GUCY1A2: variants seen among roughly 807,000 people sequenced by gnomAD.
GUCY1A2 encodes guanylate cyclase 1 soluble subunit alpha 2, also known as guanylate cyclase soluble subunit alpha-2.
A neutral mutation model predicts 63.5 loss-of-function variants in GUCY1A2; 27 were observed. The ratio of observed to expected loss-of-function variants is 0.43; its 90% CI spans 0.31 to 0.59. The LOEUF (loss-of-function observed/expected upper bound fraction) is 0.59. Ranked by LOEUF, GUCY1A2 falls within the 20% of genes least tolerant of loss-of-function variation. The probability of loss-of-function intolerance (pLI) is 0.11; values close to 1 mark genes in which losing one functional copy is unlikely to be tolerated. For missense variants in GUCY1A2, 768 were observed against 913.3 expected, an observed-to-expected ratio of 0.84 and a Z score of 2.05; for synonymous variants, 364 against 343.5, an observed-to-expected ratio of 1.06 and a Z score of -0.66.
At chr11:106,891,615 C>A (rs1004887307) in intron 4 of GUCY1A2, among the ~76,000 whole-genome samples, 6 of 151,988 alleles carry the variant, frequency 3.9e-5, no homozygotes, top group African/African-American at 9.7e-5. Flanking sequence ...GAGATAGGTT[C>A]AAGTTTGTTT....
At chr11:106,704,543 G>C (rs1268860125) in intron 7 of GUCY1A2, among the ~76,000 whole-genome samples, 1 of 152,120 alleles carries the variant, frequency 6.6e-6, no homozygotes, top group East Asian at 1.9e-4. Context: ...GAAGAAGCTT[G>C]GTTTTAACAG....
chr11:106,839,574 G>C (rs1276391987), intron 4 of GUCY1A2, among the ~76,000 whole-genome samples: 1 of 151,844 alleles, frequency 6.6e-6, no homozygotes, highest in Non-Finnish European at 1.5e-5. Flanking sequence ...GTTTATTGCG[G>C]CACTACTCAC....
chr11:106,989,849 C>T (rs897828699), intron 1 of GUCY1A2, among the ~76,000 whole-genome samples: 1 of 152,116 alleles, frequency 6.6e-6, no homozygotes, highest in Non-Finnish European at 1.5e-5. Flanking sequence ...GCCAGGCCTG[C>T]CAGTGAGTAG....
intron 6 of GUCY1A2, among the ~76,000 whole-genome samples, chr11:106,765,979 G>A (rs1343172062): frequency 1.3e-5 from 2 of 152,128 alleles, no homozygotes; most frequent in African/African-American, 2.4e-5. Context: ...GACAATTTCT[G>A]ATGCAGTAGG....
chr11:106,859,107 C>T (rs1271464474), intron 4 of GUCY1A2, among the ~76,000 whole-genome samples: 1 of 151,930 alleles, frequency 6.6e-6, no homozygotes, highest in Non-Finnish European at 1.5e-5. Context: ...CTACTACTGA[C>T]ATTATGTAAA....
intron 3 of GUCY1A2, among the ~76,000 whole-genome samples, chr11:106,978,002 C>G (rs1461584272): frequency 6.6e-6 from 1 of 152,128 alleles, no homozygotes; most frequent in African/African-American, 2.4e-5. Flanking sequence ...TATGGTAGTA[C>G]AGCTCAGTTA....
At position 107,009,282 on chromosome 11, in the gene GUCY1A2, T is replaced by C. The variant is rs1861712525; in HGVS notation, c.303+8471A>G. Among the ~76,000 whole-genome samples the C allele has an allele frequency of 1.3e-5, 2 of 152,182 alleles. 1 individual carries two copies. The highest frequency in any genetic ancestry group is 4.1e-4 in the South Asian group (2 of 4,828). On this transcript the variant is annotated intron_variant, in intron 1 of 7. Coordinates refer to ENST00000526355, the MANE Select transcript of GUCY1A2 (RefSeq NM_000855.3). ...TGTTTTCTTTCTAGAAAAAAAAAAT[T>C]CTGGCATTCAGATCTGTTTTTTCTC...
chr11:106,946,732 A>G (rs1174804081), intron 3 of GUCY1A2, among the ~76,000 whole-genome samples: 2 of 152,350 alleles, frequency 1.3e-5, no homozygotes, highest in East Asian at 3.9e-4. Context: ...GGAATTAATT[A>G]CTAATGAGTA....
At chr11:106,755,384 T>G (rs1333090015) in intron 6 of GUCY1A2, among the ~76,000 whole-genome samples, 2 of 152,200 alleles carry the variant, frequency 1.3e-5, no homozygotes, top group Non-Finnish European at 2.9e-5. Flanking sequence ...TCTTGTCTTC[T>G]GCTAGCTTTT....
chr11:106,820,465 A>T (rs12285359), intron 4 of GUCY1A2, among the ~76,000 whole-genome samples: 41,042 of 151,984 alleles, frequency 0.27, 5,771 homozygotes, highest in Admixed American at 0.35. Flanking sequence ...GTGGCATGAT[A>T]CCGGCTCACT....
rs551778880 is a variant in GUCY1A2 at position 106,883,264 on chromosome 11, A to G, written c.1206+56196T>C. 5.9e-5 allele frequency among the ~76,000 whole-genome samples: 9 copies of G among 152,220 alleles called. 1 individual carries two copies. In the South Asian group the frequency reaches 6.2e-4, roughly 11 times the overall value. On this transcript the variant is annotated intron_variant, in intron 4 of 7. Coordinates refer to ENST00000526355, the MANE Select transcript of GUCY1A2 (RefSeq NM_000855.3). ...GACATTGATCTCTCATTTTTCATCTATGCTTTGATGCTCAGTTCAGCCAAT... is the reference window on the plus strand; with the variant it reads ...GACATTGATCTCTCATTTTTCATCTGTGCTTTGATGCTCAGTTCAGCCAAT...
intron 4 of GUCY1A2, among the ~76,000 whole-genome samples, chr11:106,881,670 G>C (rs2135471807): frequency 6.6e-6 from 1 of 152,074 alleles, no homozygotes; most frequent in Non-Finnish European, 1.5e-5. Context: ...CTTCTCCCCA[G>C]AGGTAATCCA....
chr11:107,007,796 G>T (rs11212004), intron 1 of GUCY1A2, among the ~76,000 whole-genome samples: 11,645 of 152,164 alleles, frequency 0.077, 1,013 homozygotes, highest in African/African-American at 0.22. Context: ...TTGTAGAATT[G>T]TATTTAATAG....
chr11:106,988,834 C>T (rs1861435542), intron 1 of GUCY1A2, among the ~76,000 whole-genome samples: 1 of 152,206 alleles, frequency 6.6e-6, no homozygotes, highest in Admixed American at 6.5e-5. Flanking sequence ...TGGATTCATT[C>T]CAGTTTTCAG....
intron 5 of GUCY1A2, among the ~76,000 whole-genome samples, chr11:106,807,395 G>A (rs954723550): frequency 5.3e-5 from 8 of 152,146 alleles, no homozygotes; most frequent in Non-Finnish European, 4.4e-5. Flanking sequence ...CCCTCCTAAT[G>A]CATTTCTCCT....
intron 1 of GUCY1A2, among the ~76,000 whole-genome samples, chr11:107,010,313 T>C (rs1276547300): frequency 6.6e-6 from 1 of 152,190 alleles, no homozygotes; most frequent in Non-Finnish European, 1.5e-5. Context: ...GTCATTTCCA[T>C]CTCCTAGTAG....
chr11:106,755,952 A>G (rs1416104973), intron 6 of GUCY1A2, among the ~76,000 whole-genome samples: 36 of 152,222 alleles, frequency 2.4e-4, no homozygotes, highest in African/African-American at 7.5e-4. Context: ...TAGGGTGTTA[A>G]ATTCTCCGAT....
At chr11:107,007,536 A>T (rs1307060346) in intron 1 of GUCY1A2, among the ~76,000 whole-genome samples, 3 of 152,130 alleles carry the variant, frequency 2.0e-5, no homozygotes, top group Non-Finnish European at 4.4e-5. Context: ...AAACAATACT[A>T]TCATTGCTTT....
Position 106,791,821 on chromosome 11 carries a change from C to T in GUCY1A2, c.1693-15239G>A, listed in dbSNP as rs1400773067. On this transcript the variant is annotated intron_variant, in intron 5 of 7. Coordinates refer to ENST00000526355, the MANE Select transcript of GUCY1A2 (RefSeq NM_000855.3). ...AATACATTTGATTCCTTTAGAACAC[C>T]AATAAAATTTGGTTTTTATATATCT... Among the ~76,000 whole-genome samples, 5 of 152,102 alleles carry T rather than the reference C, an allele frequency of 3.3e-5. No homozygotes were observed. In the East Asian group the frequency reaches 5.8e-4, roughly 18 times the overall value.
Sources: allele counts gnomAD v4.1 joint callset (sites outside exome capture counted in the v4.1 genomes callset), GRCh38; gene constraint gnomAD v4.1.1; transcripts MANE v1.5; gene names NCBI Gene and HGNC (gene_info 2026-07-23, HGNC 2026-07-21).